MCCC1: variants seen among roughly 807,000 people sequenced by gnomAD.
MCCC1 encodes methylcrotonoyl-CoA carboxylase subunit alpha, mitochondrial.
Under a neutral mutation model 83.8 loss-of-function variants are expected in MCCC1, and 64 were observed. That is an observed-to-expected ratio of 0.76 (90% CI 0.62 to 0.94). The LOEUF is 0.94. MCCC1 is among the 40% of genes least tolerant of loss of function. MCCC1 has a pLI of 0.00. For missense variants in MCCC1, 807 were observed against 904.7 expected (o/e 0.89, Z 1.39); for synonymous variants, 322 against 315.4 (o/e 1.02, Z -0.22).
chr3:183,020,230 C>A lies in MCCC1; in HGVS notation c.1877G>T (p.Ser626Ile), dbSNP rs1454486481. Residue 626 changes from serine to isoleucine, a missense_variant, in exon 17 of 19, where the codon AGT (serine) becomes ATT (isoleucine). Ser to Ile is a moderately radical substitution (Grantham distance 142). Transcript: ENST00000265594. ...NTIYLFSKEG[S>I]IEIDIPVPKY... ...GGGGACTGGAATGTCAATCTCAATACTTCCTTCCTAGAAACAGAAAACAAA... is the reference window on the plus strand; with the variant it reads ...GGGGACTGGAATGTCAATCTCAATAATTCCTTCCTAGAAACAGAAAACAAA... 6.2e-7 allele frequency: 1 copy of A among 1,612,848 alleles called. No homozygotes were observed. Among genetic ancestry groups the A allele is most frequent in the Non-Finnish European group, 8.5e-7 (1 of 1,178,884 alleles).
At chr3:183,101,291 CG>C (rs1719273822), upstream of MCCC1, among the ~76,000 whole-genome samples, 1 of 152,244 alleles carries the variant, frequency 6.6e-6, no homozygotes, top group Non-Finnish European at 1.5e-5. Flanking sequence ...GAGCGCACGG[CG>C]GCGCAGGACT....
chr3:183,085,374 T>C (rs1024134794), intron 4 of MCCC1, among the ~76,000 whole-genome samples: 1 of 152,066 alleles, frequency 6.6e-6, no homozygotes, highest in African/African-American at 2.4e-5. Flanking sequence ...TCAAGACCTA[T>C]AATGTTCTCA....
rs538764384 is a variant in MCCC1 at position 183,035,011 on chromosome 3, T to C, written c.1595-934A>G. On this transcript the variant is annotated intron_variant, in intron 13 of 18. Transcript: ENST00000265594. The stretch of plus-strand genomic sequence containing the variant: ...CAGGCTGGTCTCAAACTCCTGACCT[T>C]AAGTGATCCACCCGCCCTGGGCCTC... Among the ~76,000 whole-genome samples, 3 of 152,136 alleles carry C rather than the reference T, an allele frequency of 2.0e-5. No individual in the cohort carries two copies. The East Asian group carries it at 5.8e-4, about 29-fold the overall frequency.
intron 5 of MCCC1, among the ~76,000 whole-genome samples, 172 bp downstream of exon 5, chr3:183,072,194 G>A (rs114187928): frequency 6.6e-6 from 1 of 151,734 alleles, no homozygotes; most frequent in African/African-American, 2.4e-5. Flanking sequence ...AAAGAATTTT[G>A]AGAGACAAGG....
chr3:183,062,302 G>T (rs1265032875), intron 7 of MCCC1, among the ~76,000 whole-genome samples: 1 of 151,902 alleles, frequency 6.6e-6, no homozygotes, highest in Non-Finnish European at 1.5e-5. Flanking sequence ...ATGTGTGGGG[G>T]CCACATCAAG....
At chr3:183,043,624 C>A (rs565771766) in intron 10 of MCCC1, among the ~76,000 whole-genome samples, 11 of 152,320 alleles carry the variant, frequency 7.2e-5, no homozygotes, top group Admixed American at 3.3e-4. Context: ...TGTTTTACCT[C>A]TGTTTGAAGG....
chr3:183,059,521 G>A (rs1715671332), intron 7 of MCCC1, among the ~76,000 whole-genome samples: 1 of 152,036 alleles, frequency 6.6e-6, no homozygotes, highest in African/African-American at 2.4e-5. Flanking sequence ...ACTGTTATCT[G>A]TTAAATCAAT....
chr3:183,108,698 T>G (rs1348927441), intron 1 of MCCC1, among the ~76,000 whole-genome samples: 1 of 152,240 alleles, frequency 6.6e-6, no homozygotes, highest in East Asian at 1.9e-4. Flanking sequence ...CTGTTCTCTC[T>G]ATAACTCCAC....
intron 4 of MCCC1, among the ~76,000 whole-genome samples, chr3:183,077,669 A>G (rs1379348097): frequency 6.6e-6 from 1 of 152,164 alleles, no homozygotes; most frequent in Non-Finnish European, 1.5e-5. Context: ...TGTCTAAGAA[A>G]TCTTTGCCTA....
At chr3:183,092,608 A>G in intron 2 of MCCC1, 63 bp from the exon 3 acceptor site, 1 of 1,603,828 alleles carries the variant, frequency 6.2e-7, no homozygotes, top group Non-Finnish European at 8.5e-7. Context: ...TGAGAATGAG[A>G]ATACGATCTT....
chr3:183,108,134 T>C (rs1346528838), intron 1 of MCCC1, among the ~76,000 whole-genome samples: 1 of 152,086 alleles, frequency 6.6e-6, no homozygotes, highest in Non-Finnish European at 1.5e-5. Flanking sequence ...GAAGAAAAAG[T>C]GTGTTATGGT....
At chr3:183,031,515 T>TG (rs869296256) in intron 14 of MCCC1, among the ~76,000 whole-genome samples, 14 of 147,974 alleles carry the variant, frequency 9.5e-5, no homozygotes, top group South Asian at 2.2e-4. Context: ...TTTTTTTTTT[T>TG]GGGACAGGGT....
chr3:183,082,517 A>G (rs913089851), intron 4 of MCCC1, among the ~76,000 whole-genome samples: 1 of 152,208 alleles, frequency 6.6e-6, no homozygotes, highest in Admixed American at 6.5e-5. Context: ...CTCAAGAATC[A>G]AAACATCACA....
intron 3 of MCCC1, among the ~76,000 whole-genome samples, chr3:183,087,679 T>C (rs138023997): frequency 9.9e-5 from 15 of 151,874 alleles, no homozygotes; most frequent in East Asian, 7.8e-4. Context: ...CCGTCCTGGC[T>C]AACACAGTGA....
chr3:183,047,623 T>C (rs539385771), intron 9 of MCCC1, among the ~76,000 whole-genome samples: 10 of 147,846 alleles, frequency 6.8e-5, no homozygotes, highest in African/African-American at 2.5e-4. Context: ...AGCAGAGAGG[T>C]GAAAATTCTA....
At chr3:183,113,346 T>G (rs544930638) in intron 1 of MCCC1, among the ~76,000 whole-genome samples, 74 of 139,214 alleles carry the variant, frequency 5.3e-4, no homozygotes, top group African/African-American at 2.0e-3. Context: ...CTGTTCTCAC[T>G]GATAGGTGGG....
chr3:183,090,577 T>C (rs1718243834), intron 3 of MCCC1, among the ~76,000 whole-genome samples: 1 of 152,130 alleles, frequency 6.6e-6, no homozygotes, highest in African/African-American at 2.4e-5. Context: ...ACTCTCTTAT[T>C]TTGGGAAAAT....
chr3:183,112,923 AT>A (rs1191789765), intron 1 of MCCC1, among the ~76,000 whole-genome samples: 7 of 151,776 alleles, frequency 4.6e-5, no homozygotes, highest in African/African-American at 9.7e-5. Context: ...ATAAAAAAAA[AT>A]AAAAAATAAA....
At chr3:183,058,625 T>A (rs1440685162) in intron 7 of MCCC1, among the ~76,000 whole-genome samples, 1 of 151,946 alleles carries the variant, frequency 6.6e-6, no homozygotes, top group African/African-American at 2.4e-5. Flanking sequence ...TCAGACCCCA[T>A]CTCTAAGGAA....
Sources: allele counts gnomAD v4.1 joint callset (sites outside exome capture counted in the v4.1 genomes callset), GRCh38; gene constraint gnomAD v4.1.1; transcripts MANE v1.5; gene names NCBI Gene and HGNC (gene_info 2026-07-23, HGNC 2026-07-21).